SNTG2: variants seen among roughly 807,000 people sequenced by gnomAD.
SNTG2 encodes syntrophin gamma 2, also known as gamma-2-syntrophin.
Under a neutral mutation model 70.9 loss-of-function variants are expected in SNTG2, and 74 were observed. The observed-to-expected ratio is 1.04, with a 90% CI of 0.86 to 1.27. SNTG2 has a LOEUF of 1.27. SNTG2 is among the 50% of genes most tolerant of loss of function. SNTG2 has a pLI of 0.00. For synonymous variants in SNTG2, 278 were observed against 273.8 expected, an observed-to-expected ratio of 1.02 and a Z score of -0.15; for missense variants, 717 against 690.7, an observed-to-expected ratio of 1.04 and a Z score of -0.43.
intron 16 of SNTG2, among the ~76,000 whole-genome samples, chr2:1,335,136 G>A (rs1185094351): frequency 6.6e-6 from 1 of 152,010 alleles, no homozygotes; most frequent in Non-Finnish European, 1.5e-5. Context: ...AAAGCGCACT[G>A]AGCCTGTGCT....
In SNTG2 at chr2:1,267,337, C is replaced by A. The variant is rs1043988432; in HGVS notation, c.1078-28C>A. The A allele has an allele frequency of 5.8e-6, 9 of 1,564,802 alleles. No individual in the cohort carries two copies. In the African/African-American group the frequency reaches 1.2e-4, roughly 21 times the overall value. Reference sequence around the variant, plus strand: ...ATGGGAATGACCTTCCAGCGCTGCACGTTTCCAATCCATGCTCTGTTTTTC... The same window carrying A: ...ATGGGAATGACCTTCCAGCGCTGCAAGTTTCCAATCCATGCTCTGTTTTTC... On this transcript the variant is annotated intron_variant, in intron 13 of 16. Coordinates refer to ENST00000308624, the MANE Select transcript of SNTG2 (RefSeq NM_018968.4).
chr2:1,264,092 C>A (rs559200887), intron 13 of SNTG2, among the ~76,000 whole-genome samples: 5 of 152,288 alleles, frequency 3.3e-5, no homozygotes, highest in African/African-American at 9.6e-5. Flanking sequence ...CCTCTTAAGA[C>A]AAACTGTGTA....
intron 1 of SNTG2, among the ~76,000 whole-genome samples, chr2:1,069,186 C>T (rs544774921): frequency 6.6e-6 from 1 of 152,254 alleles, no homozygotes; most frequent in South Asian, 2.1e-4. Context: ...ATGCTAAGCA[C>T]CTTAACACGA....
At chr2:1,143,485 T>A (rs1407226256) in intron 6 of SNTG2, among the ~76,000 whole-genome samples, 2 of 151,904 alleles carry the variant, frequency 1.3e-5, no homozygotes, top group African/African-American at 4.8e-5. Context: ...CTCCAGGAAT[T>A]CTAGCTGTAA....
At chr2:1,074,883 A>G (rs1160605650) in intron 1 of SNTG2, among the ~76,000 whole-genome samples, 3 of 152,256 alleles carry the variant, frequency 2.0e-5, no homozygotes, top group Non-Finnish European at 2.9e-5. Flanking sequence ...TTAGGAATGT[A>G]TCCATTTGAT....
chr2:1,160,144 G>A (rs1421163245), intron 6 of SNTG2: 1 of 151,944 alleles, frequency 6.6e-6, no homozygotes, highest in African/African-American at 2.4e-5. Flanking sequence ...TTCTTGTACT[G>A]ACCTCTTTAT....
chr2:1,052,941 C>T (rs1006026978), intron 1 of SNTG2, among the ~76,000 whole-genome samples: 1 of 152,232 alleles, frequency 6.6e-6, no homozygotes, highest in Non-Finnish European at 1.5e-5. Context: ...GTTTCCACTG[C>T]GAGTCCCCTC....
At chr2:1,061,213 G>C (rs959339813) in intron 1 of SNTG2, among the ~76,000 whole-genome samples, 1 of 151,992 alleles carries the variant, frequency 6.6e-6, no homozygotes, top group African/African-American at 2.4e-5. Flanking sequence ...AAGGTGAACA[G>C]GTTAAAGAGA....
intron 4 of SNTG2, among the ~76,000 whole-genome samples, chr2:1,112,074 C>G (rs183610176): frequency 6.6e-6 from 1 of 151,440 alleles, no homozygotes; most frequent in Non-Finnish European, 1.5e-5. Context: ...TGAGGAGGAT[C>G]GTGTGTACTA....
intron 1 of SNTG2, among the ~76,000 whole-genome samples, chr2:1,004,343 G>A (rs6728916): frequency 0.46 from 70,048 of 152,044 alleles, 16,646 homozygotes; most frequent in Middle Eastern, 0.6. Flanking sequence ...TAAAATTGAA[G>A]ACTTCTGCTC....
chr2:1,308,450 G>T (rs914560428), intron 14 of SNTG2, 44 bp from the exon 15 acceptor site: 2 of 1,510,840 alleles, frequency 1.3e-6, no homozygotes, highest in Admixed American at 4.0e-5. Context: ...AAGTTAAACA[G>T]CATTATTAAA....
At chr2:1,033,757 A>G (rs1660975046) in intron 1 of SNTG2, among the ~76,000 whole-genome samples, 1 of 152,080 alleles carries the variant, frequency 6.6e-6, no homozygotes, top group African/African-American at 2.4e-5. Flanking sequence ...GATTGAGATT[A>G]CTGTGTTGTA....
chr2:1,194,855 C>A (rs970562261), intron 8 of SNTG2, among the ~76,000 whole-genome samples: 6 of 152,108 alleles, frequency 3.9e-5, no homozygotes, highest in African/African-American at 1.4e-4. Context: ...TTAGGTATTT[C>A]TCCTAATGCT....
chr2:1,205,048 A>C (rs1673543123), intron 8 of SNTG2, among the ~76,000 whole-genome samples: 1 of 152,298 alleles, frequency 6.6e-6, no homozygotes, highest in Non-Finnish European at 1.5e-5. Context: ...AATATACAAA[A>C]TGGGTGATAA....
chr2:1,138,521 G>A (rs1039494192), intron 6 of SNTG2, among the ~76,000 whole-genome samples: 8 of 152,104 alleles, frequency 5.3e-5, no homozygotes, highest in Non-Finnish European at 1.0e-4. Context: ...GGGTGGGGGC[G>A]GAGGTGGAGA....
At chr2:1,295,311 G>C (rs78702373) in intron 14 of SNTG2, among the ~76,000 whole-genome samples, 1 of 152,164 alleles carries the variant, frequency 6.6e-6, no homozygotes, top group Non-Finnish European at 1.5e-5. Flanking sequence ...TCTTCTCCCC[G>C]TTCACTCTGA....
intron 1 of SNTG2, among the ~76,000 whole-genome samples, chr2:1,008,056 T>C (rs1659623254): frequency 6.6e-6 from 1 of 152,098 alleles, no homozygotes; most frequent in Admixed American, 6.6e-5. Context: ...CCCGACCAGG[T>C]TTTTATTTTG....
intron 1 of SNTG2, among the ~76,000 whole-genome samples, chr2:962,620 C>T (rs1330408807): frequency 6.6e-6 from 1 of 152,150 alleles, no homozygotes; most frequent in Non-Finnish European, 1.5e-5. Context: ...TTGATTATGC[C>T]TGTCTTTGAA....
intron 13 of SNTG2, 64 bp from the exon 14 acceptor site, chr2:1,267,298 CCAG>C (rs1678792892): frequency 4.8e-6 from 7 of 1,449,370 alleles, no homozygotes; most frequent in Non-Finnish European, 6.6e-6. Flanking sequence ...TCTCCCCACA[CCAG>C]GGCCCTCAGC....
Sources: gnomAD v4.1 joint callset for allele counts (sites outside exome capture counted in the v4.1 genomes callset) on GRCh38, gnomAD v4.1.1 for gene constraint, MANE v1.5 for transcripts, NCBI Gene and HGNC (gene_info 2026-07-23, HGNC 2026-07-21) for gene names.